The following TRPM1 variants were observed in gnomAD, a reference collection of about 807,000 sequenced individuals.
The protein encoded by TRPM1 is transient receptor potential cation channel subfamily M member 1.
A neutral mutation model predicts 149.4 loss-of-function variants in TRPM1; 113 were observed. That is an observed-to-expected ratio of 0.76 (90% CI 0.65 to 0.88). The LOEUF is 0.88. TRPM1 is among the 40% of genes least tolerant of loss of function. TRPM1 has a pLI of 0.00. For synonymous variants in TRPM1, 741 were observed against 759.5 expected (o/e 0.98, Z 0.40); for missense variants, 1,976 against 2,038.7 (o/e 0.97, Z 0.59).
chr15:31,079,055 C>T (rs924800813), intron 2 of TRPM1, among the ~76,000 whole-genome samples: 2 of 152,102 alleles, frequency 1.3e-5, no homozygotes, highest in Admixed American at 6.6e-5. Context: ...TCACAATGAA[C>T]CTTGTAGCAC....
chr15:31,030,378 C>T (rs915047297), intron 23 of TRPM1, among the ~76,000 whole-genome samples: 2 of 152,158 alleles, frequency 1.3e-5, no homozygotes, highest in African/African-American at 4.8e-5. Context: ...TGTACAAGAA[C>T]ATTTGAGCTT....
At chr15:31,151,259 G>A (rs1006882976) in intron 1 of TRPM1, among the ~76,000 whole-genome samples, 3 of 152,128 alleles carry the variant, frequency 2.0e-5, no homozygotes, top group African/African-American at 7.2e-5. Context: ...GTTGAAGCAG[G>A]GTAATACCTC....
At chr15:31,053,995 T>C (rs1001727180) in intron 11 of TRPM1, among the ~76,000 whole-genome samples, 1 of 152,164 alleles carries the variant, frequency 6.6e-6, no homozygotes, top group African/African-American at 2.4e-5. Flanking sequence ...AGGACAAATA[T>C]TACATGACTC....
chr15:31,016,977 ACAC>A, intron 27 of TRPM1, among the ~76,000 whole-genome samples: 1 of 133,960 alleles, frequency 7.5e-6, no homozygotes, highest in South Asian at 2.4e-4. Flanking sequence ...ACACACACAC[ACAC>A]ACACACACAA....
At chr15:31,106,489 A>G (rs2035609034), upstream of TRPM1, among the ~76,000 whole-genome samples, 2 of 152,230 alleles carry the variant, frequency 1.3e-5, no homozygotes, top group South Asian at 2.1e-4. Flanking sequence ...CTTTTTAAGT[A>G]TAAATATATA....
At chr15:31,075,308 C>T (rs757150614) in intron 3 of TRPM1, among the ~76,000 whole-genome samples, 22 of 152,162 alleles carry the variant, frequency 1.4e-4, no homozygotes, top group Non-Finnish European at 1.9e-4. Flanking sequence ...TTGTCTACTT[C>T]TCCCTTTGTT....
chr15:31,134,415 C>G (rs145231811), intron 1 of TRPM1, among the ~76,000 whole-genome samples: 16 of 152,134 alleles, frequency 1.1e-4, no homozygotes, highest in Admixed American at 2.0e-4. Flanking sequence ...TTGAAAAACA[C>G]CATAGAAGTT....
chr15:31,072,677 C>T lies in TRPM1; in HGVS notation c.84-2451G>A, dbSNP rs143945882. Reference sequence around the variant, plus strand: ...GGGTTCTGATTTCTCCATATCCTCTCCCACACACTATCTTACATTTTCATT... The same window carrying T: ...GGGTTCTGATTTCTCCATATCCTCTTCCACACACTATCTTACATTTTCATT... On this transcript the variant is annotated intron_variant, in intron 3 of 27. Coordinates refer to ENST00000256552, the MANE Select transcript of TRPM1 (RefSeq NM_001252024.2). Among the ~76,000 whole-genome samples the T allele has an allele frequency of 5.2e-3, 798 of 152,252 alleles. 3 individuals carry two copies. The highest frequency in any genetic ancestry group is 8.1e-3 in the Non-Finnish European group (552 of 68,006).
At chr15:31,089,855 G>A (rs1435058906) in intron 1 of TRPM1, among the ~76,000 whole-genome samples, 1 of 152,196 alleles carries the variant, frequency 6.6e-6, no homozygotes, top group South Asian at 2.1e-4. Flanking sequence ...TGAGTAAGGG[G>A]ATAACTGTGC....
At chr15:31,136,591 T>A (rs757561504) in intron 1 of TRPM1, among the ~76,000 whole-genome samples, 1 of 152,216 alleles carries the variant, frequency 6.6e-6, no homozygotes, top group Non-Finnish European at 1.5e-5. Context: ...ATGGGCCACC[T>A]TCAGTCTTCA....
chr15:31,114,101 A>C (rs1205895023), intron 1 of TRPM1, among the ~76,000 whole-genome samples: 1 of 152,176 alleles, frequency 6.6e-6, no homozygotes, highest in Non-Finnish European at 1.5e-5. Context: ...TCCCCACTGG[A>C]CACAGAAGCC....
intron 2 of TRPM1, among the ~76,000 whole-genome samples, chr15:31,080,333 G>A (rs1178052590): frequency 6.6e-6 from 1 of 152,070 alleles, no homozygotes; most frequent in Non-Finnish European, 1.5e-5. Context: ...GGAGAATTCT[G>A]GGGAGAACCA....
At position 31,040,690 on chromosome 15, in the gene TRPM1, A is replaced by G. The variant is rs560025667; in HGVS notation, c.2088-344T>C. ...CAGATCAGGGAGGCAGATAGAAAAGACAGCAAAAGTGACTTCAAATGCAGC... is the reference window on the plus strand; with the variant it reads ...CAGATCAGGGAGGCAGATAGAAAAGGCAGCAAAAGTGACTTCAAATGCAGC... On this transcript the variant is annotated intron_variant, in intron 17 of 27. Coordinates refer to ENST00000256552, the MANE Select transcript of TRPM1 (RefSeq NM_001252024.2). This position sits in a 1 kb window ranked among gnomAD's most constrained non-coding sequence, Gnocchi z 4.2. 6.6e-6 allele frequency among the ~76,000 whole-genome samples: 1 copy of G among 152,306 alleles called. No individual in the cohort carries two copies. Among genetic ancestry groups the G allele is most frequent in the Non-Finnish European group, 1.5e-5 (1 of 68,028 alleles).
rs1455315650 is a variant in TRPM1, at chr15:31,026,240, C to T, written c.3528G>A (p.Arg1176=). ...KLFLSDEELK[R]LHEFEEQCVQ... is the part of the protein sequence containing the mutation. Reference sequence around the variant, plus strand: ...CGCACTGCTCCTCGAACTCATGCAGCCTCTTTAGCTCCTCGTCGCTAAGGA... The same window carrying T: ...CGCACTGCTCCTCGAACTCATGCAGTCTCTTTAGCTCCTCGTCGCTAAGGA... The change falls in exon 27 of 28, where the codon AGG becomes AGA. Residue 1176 remains arginine, a synonymous_variant. Transcript: ENST00000256552. 1 of 1,612,208 alleles carries T rather than the reference C, an allele frequency of 6.2e-7. No homozygotes were observed. The highest frequency in any genetic ancestry group is 8.5e-7 in the Non-Finnish European group (1 of 1,180,016).
chr15:31,010,629 TGA>T (rs1415450042), intron 27 of TRPM1, among the ~76,000 whole-genome samples: 1 of 152,234 alleles, frequency 6.6e-6, no homozygotes, highest in Non-Finnish European at 1.5e-5. Context: ...TGTTGTGGCC[TGA>T]GAATACACTT....
intron 1 of TRPM1, among the ~76,000 whole-genome samples, chr15:31,147,258 C>T (rs1452290076): frequency 1.3e-5 from 2 of 152,198 alleles, no homozygotes; most frequent in South Asian, 2.1e-4. Context: ...TATGCGCACA[C>T]GTTTATCTTT....
intron 17 of TRPM1, among the ~76,000 whole-genome samples, chr15:31,041,022 A>G (rs571041939): frequency 3.3e-5 from 5 of 152,194 alleles, no homozygotes; most frequent in Non-Finnish European, 7.3e-5. Context: ...CTAATGACTG[A>G]TGGGGACAGT....
intron 1 of TRPM1, among the ~76,000 whole-genome samples, chr15:31,114,432 G>A (rs927755677): frequency 2.6e-5 from 4 of 152,092 alleles, no homozygotes; most frequent in Admixed American, 2.0e-4. Context: ...GGGCATTTAG[G>A]TTGATTCCAT....
chr15:31,069,760 T>C, intron 4 of TRPM1: 2 of 1,445,182 alleles, frequency 1.4e-6, no homozygotes, highest in African/African-American at 1.4e-5. Context: ...TGGAGTGTGT[T>C]TGCAGGGTTG....
Sources: gnomAD v4.1 joint callset for allele counts (sites outside exome capture counted in the v4.1 genomes callset) on GRCh38, gnomAD v4.1.1 for gene constraint, Gnocchi (gnomAD v3.1) non-coding constraint, MANE v1.5 for transcripts, NCBI Gene and HGNC (gene_info 2026-07-23, HGNC 2026-07-21) for gene names.